NETO1: variants seen among roughly 807,000 people sequenced by gnomAD.
NETO1 encodes the protein neuropilin and tolloid like 1, also known as neuropilin and tolloid-like protein 1.
NETO1 carries 26 observed loss-of-function variants against 61.3 expected under a neutral mutation model. The ratio of observed to expected loss-of-function variants is 0.42; its 90% confidence interval spans 0.31 to 0.59. The LOEUF is 0.59. NETO1 is among the 20% of genes least tolerant of loss of function. NETO1 has a pLI of 0.12. For synonymous variants in NETO1, 225 were observed against 225.8 expected (o/e 1.00, Z 0.03); for missense variants, 531 against 662.8 (o/e 0.80, Z 2.18).
In NETO1 at chr18:72,747,573, T is replaced by A. The variant is rs2070458165; in HGVS notation, c.*606A>T. On this transcript the variant is annotated 3_prime_UTR_variant, in exon 11 of 11. Transcript: ENST00000327305. ...TATACAGGAAAGACCAAAAAATGAATTTTTTTATTGCAATCTAGTAATTTT... is the reference window on the plus strand; with the variant it reads ...TATACAGGAAAGACCAAAAAATGAAATTTTTTATTGCAATCTAGTAATTTT... 6.6e-6 allele frequency: 1 copy of A among 150,868 alleles called. No homozygotes were observed. Among genetic ancestry groups the A allele is most frequent in the Admixed American group, 6.6e-5 (1 of 15,130 alleles). The allele number at this position is 150,868 out of a possible 1,614,324, so 9.3% of individuals were successfully genotyped here. A position where few individuals can be genotyped will look rare whatever the true frequency, so the allele number is the denominator to read the frequency against.
chr18:72,769,136 TAGTCCTGGAATGAATCCAAGGCTAC>T (rs2071261466), intron 7 of NETO1, among the ~76,000 whole-genome samples: 1 of 152,202 alleles, frequency 6.6e-6, no homozygotes, highest in Non-Finnish European at 1.5e-5. Flanking sequence ...GTGTCATAAT[TAGTCCTGGAATGAATCCAAGGCTAC>T]ATTTTTTTTC....
intron 7 of NETO1, among the ~76,000 whole-genome samples, chr18:72,770,392 G>T (rs1346467842): frequency 6.6e-6 from 1 of 151,904 alleles, no homozygotes; most frequent in African/African-American, 2.4e-5. Flanking sequence ...TGAAATGTAT[G>T]TATATTTGAA....
chr18:72,821,920 G>A (rs1388228239), intron 4 of NETO1, among the ~76,000 whole-genome samples: 1 of 152,170 alleles, frequency 6.6e-6, no homozygotes, highest in Non-Finnish European at 1.5e-5. Context: ...GCACTCAACT[G>A]GGTTACAGAC....
chr18:72,851,536 A>G (rs944057843), intron 4 of NETO1, among the ~76,000 whole-genome samples: 4 of 152,244 alleles, frequency 2.6e-5, no homozygotes, highest in Non-Finnish European at 4.4e-5. Flanking sequence ...AGAGCACGGT[A>G]CACACAGAAG....
intron 7 of NETO1, among the ~76,000 whole-genome samples, chr18:72,763,314 T>C (rs1216307050): frequency 6.6e-6 from 1 of 152,096 alleles, no homozygotes; most frequent in Non-Finnish European, 1.5e-5. Context: ...TCACGAAAAA[T>C]TGGAAAACGA....
At chr18:72,863,264 C>G (rs2074633354) in intron 3 of NETO1, among the ~76,000 whole-genome samples, 1 of 152,222 alleles carries the variant, frequency 6.6e-6, no homozygotes, top group African/African-American at 2.4e-5. Flanking sequence ...CCAACCATAT[C>G]ATAGCTCTGA....
chr18:72,798,662 GT>G (rs2072400754), intron 4 of NETO1, among the ~76,000 whole-genome samples: 1 of 152,200 alleles, frequency 6.6e-6, no homozygotes, highest in African/African-American at 2.4e-5. Flanking sequence ...CTCAGTCACA[GT>G]TTTGGTAAGC....
At position 72,797,493 on chromosome 18, in the gene NETO1, G is replaced by A. The variant is rs190881507; in HGVS notation, c.470-3089C>T. ...TTAAAAACAGCCTAAATTGAACTAA[G>A]ATTATAAAGATTGATTGGCCAAGGT... On this transcript the variant is annotated intron_variant, in intron 4 of 10. Transcript: ENST00000327305. Among the ~76,000 whole-genome samples, 24 of 152,246 alleles carry A rather than the reference G, an allele frequency of 1.6e-4. No homozygotes were observed. The East Asian group carries it at 4.6e-3, about 29-fold the overall frequency.
intron 7 of NETO1, among the ~76,000 whole-genome samples, chr18:72,774,642 T>C (rs1414187328): frequency 2.6e-5 from 4 of 152,184 alleles, no homozygotes; most frequent in African/African-American, 9.7e-5. Flanking sequence ...CGCAAATATG[T>C]TTCTTGGTAT....
At chr18:72,788,318 C>T (rs1232633709) in intron 6 of NETO1, among the ~76,000 whole-genome samples, 2 of 152,016 alleles carry the variant, frequency 1.3e-5, no homozygotes, top group African/African-American at 2.4e-5. Flanking sequence ...GATTTTTTAT[C>T]ATATAGAAAA....
intron 7 of NETO1, among the ~76,000 whole-genome samples, chr18:72,777,233 C>A (rs942096775): frequency 6.6e-6 from 1 of 151,382 alleles, no homozygotes; most frequent in African/African-American, 2.4e-5. Context: ...GCCTGACCAA[C>A]ATGGTGAAAC....
intron 7 of NETO1, among the ~76,000 whole-genome samples, chr18:72,772,534 G>A (rs1454220822): frequency 6.6e-6 from 1 of 151,846 alleles, no homozygotes; most frequent in Non-Finnish European, 1.5e-5. Flanking sequence ...AGTGGTGGGA[G>A]AGGCATAGAA....
intron 4 of NETO1, among the ~76,000 whole-genome samples, chr18:72,858,495 A>G (rs1278639252): frequency 6.6e-6 from 1 of 152,168 alleles, no homozygotes; most frequent in Non-Finnish European, 1.5e-5. Flanking sequence ...TGTCTTTTCA[A>G]GTTTATTCAG....
intron 4 of NETO1, among the ~76,000 whole-genome samples, chr18:72,806,504 A>G (rs887062589): frequency 6.6e-6 from 1 of 152,182 alleles, no homozygotes; most frequent in African/African-American, 2.4e-5. Context: ...TCCAATTCTG[A>G]AAAATTAATC....
At chr18:72,824,717 A>AAAC (rs145623324) in intron 4 of NETO1, among the ~76,000 whole-genome samples, 3,442 of 150,898 alleles carry the variant, frequency 0.023, 135 homozygotes, top group African/African-American at 0.078. Context: ...ATACAAAAAA[A>AAAC]AAACAAACAA....
intron 6 of NETO1, among the ~76,000 whole-genome samples, chr18:72,785,890 C>A (rs1189977689): frequency 1.3e-5 from 2 of 152,172 alleles, no homozygotes; most frequent in South Asian, 4.1e-4. Context: ...ACTGCTCCCA[C>A]TCCCCAATCG....
In NETO1 at chr18:72,758,837, A is replaced by G. The variant is rs149221434; in HGVS notation, c.869-2690T>C. Among the ~76,000 whole-genome samples, 668 of 152,224 alleles carry G rather than the reference A, an allele frequency of 4.4e-3. 5 individuals are homozygous for G. The highest frequency in any genetic ancestry group is 0.014 in the African/African-American group (568 of 41,552). On this transcript the variant is annotated intron_variant, in intron 7 of 10. Transcript: ENST00000327305. ...GGTCTGGGTGACAGAGAAAGACCCT[A>G]TCTCAAAACAAACAAACAAAAACAA...
chr18:72,825,973 T>C (rs1235556037), intron 4 of NETO1, among the ~76,000 whole-genome samples: 4 of 152,202 alleles, frequency 2.6e-5, no homozygotes, highest in Non-Finnish European at 4.4e-5. Context: ...AAAAATCATA[T>C]ATACTTCCTT....
intron 3 of NETO1, among the ~76,000 whole-genome samples, chr18:72,863,696 G>C (rs540048336): frequency 4.1e-4 from 62 of 152,182 alleles, no homozygotes; most frequent in African/African-American, 1.4e-3. Context: ...TCTTAAAATT[G>C]GGTGAACAGA....
Sources: gnomAD v4.1 joint callset for allele counts (sites outside exome capture counted in the v4.1 genomes callset) on GRCh38, gnomAD v4.1.1 for gene constraint, MANE v1.5 for transcripts, NCBI Gene and HGNC (gene_info 2026-07-23, HGNC 2026-07-21) for gene names.